Variants in CDC14A observed in about 807,000 individuals in gnomAD.
CDC14A encodes cell division cycle 14A, also known as dual specificity protein phosphatase CDC14A.
A neutral mutation model predicts 74.4 loss-of-function variants in CDC14A; 53 were observed. The ratio of observed to expected loss-of-function variants is 0.71; its 90% CI spans 0.57 to 0.89. The LOEUF (loss-of-function observed/expected upper bound fraction) is 0.89, where lower values mean the gene tolerates loss of function less well. Among genes scored for constraint, CDC14A ranks in the 40% least tolerant of loss-of-function variants. CDC14A has a pLI of 0.00. For missense variants in CDC14A, 646 were observed against 713.7 expected (o/e 0.91, Z 1.08); for synonymous variants, 247 against 258.4 (o/e 0.96, Z 0.43).
In CDC14A at chr1:100,519,179, A is replaced by T. The variant is rs760568898; in HGVS notation, c.*899A>T. The T allele has an allele frequency of 3.3e-5, 5 of 152,002 alleles. No individual in the cohort carries two copies. The highest frequency in any genetic ancestry group is 5.9e-5 in the Non-Finnish European group (4 of 67,970). The allele number at this position is 152,002 out of a possible 1,614,324, so 9.4% of individuals were successfully genotyped here. ...CCAATTAGGATATCCTGCTTTGGGT[A>T]TGAGGTTGTTGTTGCCTGTAATCAC... On this transcript the variant is annotated 3_prime_UTR_variant, in exon 16 of 16. Transcript: ENST00000336454.
intron 3 of CDC14A, among the ~76,000 whole-genome samples, chr1:100,382,804 G>T (rs1168092362): frequency 6.6e-6 from 1 of 152,230 alleles, no homozygotes; most frequent in African/African-American, 2.4e-5. Flanking sequence ...GGGGAAGTGG[G>T]TGGGTATCAT....
intron 2 of CDC14A, among the ~76,000 whole-genome samples, chr1:100,373,198 T>C (rs148078923): frequency 4.5e-4 from 69 of 151,710 alleles, no homozygotes; most frequent in Non-Finnish European, 1.6e-4. Context: ...GAGGCCATGA[T>C]AGGGTTATTA....
At chr1:100,474,846 C>G (rs113785148) in intron 10 of CDC14A, among the ~76,000 whole-genome samples, 8,619 of 151,468 alleles carry the variant, frequency 0.057, 833 homozygotes, top group African/African-American at 0.2. Context: ...CCTTCTGCTT[C>G]CTTGTAGTTT....
chr1:100,420,027 T>TATATACATATATATATAC (rs1202719898), intron 4 of CDC14A, among the ~76,000 whole-genome samples: 2 of 19,570 alleles, frequency 1.0e-4, no homozygotes, highest in Non-Finnish European at 1.7e-4. Context: ...TATATATACA[T>TATATACATATATATATAC]ATATACACAC....
chr1:100,470,082 T>C (rs60872259), intron 10 of CDC14A, among the ~76,000 whole-genome samples: 8,655 of 152,216 alleles, frequency 0.057, 832 homozygotes, highest in African/African-American at 0.2. Flanking sequence ...CACAGAGTTC[T>C]TAAAGAAACA....
chr1:100,513,887 G>A (rs1215311615), intron 15 of CDC14A, among the ~76,000 whole-genome samples: 1 of 152,048 alleles, frequency 6.6e-6, no homozygotes, highest in East Asian at 1.9e-4. Flanking sequence ...ACTTCTTGAT[G>A]GAAGCTTATA....
In CDC14A at chr1:100,420,063, C is replaced by CATATATATAT. The variant is rs1553180578; in HGVS notation, c.310-4149_310-4140dup. Among the ~76,000 whole-genome samples, 568 of 61,514 alleles carry CATATATATAT rather than the reference C, an allele frequency of 9.2e-3. 16 individuals carry two copies. The highest frequency in any genetic ancestry group is 0.013 in the Middle Eastern group (1 of 78). The allele number at this position is 61,514 out of a possible 152,430, so 40.4% of individuals were successfully genotyped here. On this transcript the variant is annotated intron_variant, in intron 4 of 15. Transcript: ENST00000336454. ...ACACACACACACACACACACACACA[C>CATATATATAT]ATATATATATATATATATAGTGTGT... is the stretch of plus-strand genomic sequence containing the variant.
rs1647397413 is a variant in CDC14A at position 100,493,993 on chromosome 1, A to AAAAAAGGC, written c.1138-820_1138-813dup. ...AAGCACTTTGATTTTTCAGTTGAGG[A>AAAAAAGGC]AAAAAGGCAAAATACAGTCTTCACT... On this transcript the variant is annotated intron_variant, in intron 11 of 15. Coordinates refer to ENST00000336454, the MANE Select transcript of CDC14A (RefSeq NM_003672.4). Among the ~76,000 whole-genome samples, 3 of 152,188 alleles carry AAAAAAGGC rather than the reference A, an allele frequency of 2.0e-5. No homozygotes were observed. The South Asian group carries it at 6.2e-4, about 32-fold the overall frequency.
At chr1:100,445,607 T>G (rs1460512339) in intron 7 of CDC14A, among the ~76,000 whole-genome samples, 1 of 152,196 alleles carries the variant, frequency 6.6e-6, no homozygotes, top group Non-Finnish European at 1.5e-5. Context: ...GTTTTATTTA[T>G]TCCTTCCTTC....
intron 4 of CDC14A, among the ~76,000 whole-genome samples, chr1:100,422,031 T>G (rs1247222991): frequency 1.3e-5 from 2 of 152,204 alleles, no homozygotes; most frequent in African/African-American, 4.8e-5. Flanking sequence ...CTTCAGGTTG[T>G]GAAAGGTCAA....
intron 3 of CDC14A, among the ~76,000 whole-genome samples, chr1:100,390,392 C>T (rs939859543): frequency 6.6e-6 from 1 of 152,020 alleles, no homozygotes; most frequent in Non-Finnish European, 1.5e-5. Flanking sequence ...TAGGGGGTAA[C>T]AAAGTGTGAA....
intron 8 of CDC14A, among the ~76,000 whole-genome samples, chr1:100,456,429 C>CCCG (rs28364876): frequency 0.28 from 41,048 of 145,210 alleles, 7,518 homozygotes; most frequent in African/African-American, 0.57. Flanking sequence ...AACAAAATAT[C>CCCG]CCCCCCCCTT....
intron 4 of CDC14A, among the ~76,000 whole-genome samples, chr1:100,405,308 G>A (rs1659800095): frequency 6.6e-6 from 1 of 152,112 alleles, no homozygotes; most frequent in Non-Finnish European, 1.5e-5. Flanking sequence ...TGAGCTCCTT[G>A]TACTTACTTG....
At chr1:100,401,814 G>A (rs888133398) in intron 4 of CDC14A, among the ~76,000 whole-genome samples, 2 of 151,994 alleles carry the variant, frequency 1.3e-5, no homozygotes, top group African/African-American at 2.4e-5. Flanking sequence ...CAAGGTGGGC[G>A]GATCACCTGA....
intron 2 of CDC14A, among the ~76,000 whole-genome samples, chr1:100,366,041 A>T (rs1653550703): frequency 6.6e-6 from 1 of 151,998 alleles, no homozygotes; most frequent in African/African-American, 2.4e-5. Context: ...TAATGTCTTT[A>T]CCTGTCTTCT....
upstream of CDC14A, among the ~76,000 whole-genome samples, chr1:100,348,801 C>A (rs1305681999): frequency 2.0e-5 from 3 of 152,204 alleles, no homozygotes; most frequent in African/African-American, 7.2e-5. Context: ...TTTAGAGCTG[C>A]CTCCAGCAGT....
chr1:100,504,985 C>A, intron 15 of CDC14A: 1 of 1,421,108 alleles, frequency 7.0e-7, no homozygotes, highest in Non-Finnish European at 9.4e-7. Flanking sequence ...ATCATGTATG[C>A]TATTATATAC....
intron 2 of CDC14A, among the ~76,000 whole-genome samples, chr1:100,355,936 GC>G (rs1651822161): frequency 2.0e-5 from 3 of 152,334 alleles, no homozygotes; most frequent in African/African-American, 4.8e-5. Flanking sequence ...TCTGGTGGAA[GC>G]GTTCAGCAAA....
intron 4 of CDC14A, among the ~76,000 whole-genome samples, chr1:100,403,260 C>A (rs985102200): frequency 1.3e-5 from 2 of 152,208 alleles, no homozygotes; most frequent in African/African-American, 4.8e-5. Flanking sequence ...ACAATTCTTA[C>A]AAGGTGTAAA....
Sources: allele counts gnomAD v4.1 joint callset (sites outside exome capture counted in the v4.1 genomes callset), GRCh38; gene constraint gnomAD v4.1.1; transcripts MANE v1.5; gene names NCBI Gene and HGNC (gene_info 2026-07-23, HGNC 2026-07-21).